The following URB2 variants were observed in gnomAD, a reference collection of about 807,000 sequenced individuals.
The protein encoded by URB2 is URB2 ribosome biogenesis homolog, also known as unhealthy ribosome biogenesis protein 2 homolog.
Under a neutral mutation model 120.9 loss-of-function variants are expected in URB2, and 86 were observed. The observed-to-expected ratio is 0.71, with a 90% CI of 0.60 to 0.85. The LOEUF (loss-of-function observed/expected upper bound fraction) is 0.85, where lower values mean the gene tolerates loss of function less well. Ranked by LOEUF, URB2 falls within the 40% of genes least tolerant of loss-of-function variation. The probability of loss-of-function intolerance (pLI) is 0.00; values close to 1 mark genes in which losing one functional copy is unlikely to be tolerated. For missense variants in URB2, 1,765 were observed against 1,836.5 expected, an observed-to-expected ratio of 0.96 and a Z score of 0.71; for synonymous variants, 755 against 758.4, an observed-to-expected ratio of 1.00 and a Z score of 0.07.
intron 7 of URB2, among the ~76,000 whole-genome samples, chr1:229,649,628 A>G (rs1666223586): frequency 1.3e-5 from 2 of 152,004 alleles, no homozygotes; most frequent in Non-Finnish European, 2.9e-5. Flanking sequence ...AATCTGATGG[A>G]TGATCACAGC....
In URB2 at chr1:229,659,178, G is replaced by C. The variant is rs761878270; in HGVS notation, c.4456G>C (p.Val1486Leu). 1 of 1,613,434 alleles carries C rather than the reference G, an allele frequency of 6.2e-7. No individual in the cohort carries two copies. Among genetic ancestry groups the C allele is most frequent in the Non-Finnish European group, 8.5e-7 (1 of 1,180,042 alleles). The change falls in exon 10 of 10, where the codon GTC (valine) becomes CTC (leucine). Residue 1486 changes from valine (V) to leucine (L), a missense_variant. Transcript: ENST00000258243. The stretch of plus-strand genomic sequence containing the variant: ...CCTGGACCTCTGCATCGAGCCTGAC[G>C]TCCAGTTCCTGCGGGCCTCGCTGCA... ...LILDLCIEPDVQFLRASLQPG... is the reference protein window; with the variant it reads ...LILDLCIEPDLQFLRASLQPG...
chr1:229,641,515 GC>G (rs1302634002), intron 4 of URB2, among the ~76,000 whole-genome samples: 1 of 152,170 alleles, frequency 6.6e-6, no homozygotes, highest in African/African-American at 2.4e-5. Flanking sequence ...CCAGGGAAGT[GC>G]CAGAGTTGTG....
intron 9 of URB2, among the ~76,000 whole-genome samples, chr1:229,654,781 T>G (rs1666368557): frequency 6.6e-6 from 1 of 152,146 alleles, no homozygotes. Context: ...TAGTTCAAGG[T>G]GTTTAGCAGC....
chr1:229,649,757 G>A (rs1666225389), intron 7 of URB2, among the ~76,000 whole-genome samples: 1 of 152,188 alleles, frequency 6.6e-6, no homozygotes, highest in South Asian at 2.1e-4. Flanking sequence ...AGAATGATCA[G>A]CAGCTAGTGC....
At chr1:229,646,023 A>G in intron 6 of URB2, 54 bp downstream of exon 6, 1 of 1,555,120 alleles carries the variant, frequency 6.4e-7, no homozygotes, top group South Asian at 1.1e-5. Flanking sequence ...TCTTCCTGTA[A>G]AGACAGAAGT....
At chr1:229,643,378 G>A (rs756213499) in intron 4 of URB2, among the ~76,000 whole-genome samples, 155 bp from the exon 5 acceptor site, 2 of 152,248 alleles carry the variant, frequency 1.3e-5, no homozygotes, top group Admixed American at 6.5e-5. Context: ...CAGTAACTAC[G>A]TGTACCTGCT....
chr1:229,643,165 C>G (rs186976846), intron 4 of URB2, among the ~76,000 whole-genome samples: 5 of 152,194 alleles, frequency 3.3e-5, no homozygotes, highest in African/African-American at 1.2e-4. Flanking sequence ...GTCTTGCAGT[C>G]TCAGGGGTGC....
In URB2 at chr1:229,654,330, A is replaced by C. The variant is rs146722378; in HGVS notation, c.4319A>C (p.Glu1440Ala). 9.9e-5 allele frequency: 159 copies of C among 1,614,050 alleles called. No individual in the cohort carries two copies. The highest frequency in any genetic ancestry group is 2.1e-5 in the Non-Finnish European group (25 of 1,180,036). The change falls in exon 9 of 10, where the codon GAG becomes GCG. Residue 1440 changes from glutamate to alanine, a missense_variant. Coordinates refer to ENST00000258243, the MANE Select transcript of URB2 (RefSeq NM_014777.4). ...RMYSHIAARA[E>A]EFAVFSPFMV... Reference sequence around the variant, plus strand: ...TACAGCCACATCGCCGCACGAGCTGAGGAGTTTGCTGTGTTTTCCCCATTT... The same window carrying C: ...TACAGCCACATCGCCGCACGAGCTGCGGAGTTTGCTGTGTTTTCCCCATTT...
Position 229,640,611 on chromosome 1 carries a change from G to A in URB2, c.3634+2364G>A, listed in dbSNP as rs772900888. Among the ~76,000 whole-genome samples the A allele has an allele frequency of 7.4e-4, 112 of 152,252 alleles. 1 individual carries two copies. Among genetic ancestry groups the A allele is most frequent in the Non-Finnish European group, 1.2e-3 (85 of 68,016 alleles). ...GAGAAGCTGTGACGGGTGGGGCCAC[G>A]GGCGTGCCTTTCGGTACGTGAGGGT... On this transcript the variant is annotated intron_variant, in intron 4 of 9. Transcript: ENST00000258243.
At position 229,637,234 on chromosome 1, in the gene URB2, T is replaced by TA. The variant is rs1665864191; in HGVS notation, c.2622dup (p.Leu875ThrfsTer7). ...CCTAGAGGAGAAATTGCCCAGAACTTACTGTCCCTGGTCAAGAGTGACTTC... is the reference window on the plus strand; with the variant it reads ...CCTAGAGGAGAAATTGCCCAGAACTTAACTGTCCCTGGTCAAGAGTGACTTC... On this transcript the variant is annotated frameshift_variant, in exon 4 of 10. Coordinates refer to ENST00000258243, the MANE Select transcript of URB2 (RefSeq NM_014777.4). LOFTEE classifies it high-confidence loss of function. The TA allele has an allele frequency of 5.0e-6, 8 of 1,613,888 alleles. No individual in the cohort carries two copies. The highest frequency in any genetic ancestry group is 6.8e-6 in the Non-Finnish European group (8 of 1,179,800).
intron 9 of URB2, among the ~76,000 whole-genome samples, chr1:229,656,409 T>C (rs1666407256): frequency 6.6e-6 from 1 of 152,262 alleles, no homozygotes; most frequent in Non-Finnish European, 1.5e-5. Context: ...TCATTAGTTA[T>C]ATTTTATTTT....
At chr1:229,645,762 A>G in intron 5 of URB2, 97 bp from the exon 6 acceptor site, 1 of 1,074,194 alleles carries the variant, frequency 9.3e-7, no homozygotes, top group Non-Finnish European at 1.4e-6. Flanking sequence ...AATCCACTCC[A>G]ACGCCACAGC....
chr1:229,628,144 A>G (rs1665564966), intron 2 of URB2, among the ~76,000 whole-genome samples: 1 of 118,974 alleles, frequency 8.4e-6, no homozygotes, highest in Non-Finnish European at 1.7e-5. Flanking sequence ...TAATATATAT[A>G]TAATATATAT....
chr1:229,653,494 T>G (rs1052879690), intron 8 of URB2, among the ~76,000 whole-genome samples: 1 of 152,200 alleles, frequency 6.6e-6, no homozygotes, highest in Non-Finnish European at 1.5e-5. Context: ...TTTGTCCTTA[T>G]GGATTTGTTT....
chr1:229,629,205 A>C (rs1311489901), intron 2 of URB2, among the ~76,000 whole-genome samples: 2 of 152,220 alleles, frequency 1.3e-5, no homozygotes, highest in African/African-American at 4.8e-5. Context: ...AAGCACTTGT[A>C]TGATTTCATA....
At chr1:229,653,936 G>GTTTT (rs760894683) in intron 8 of URB2, among the ~76,000 whole-genome samples, 65 of 60,476 alleles carry the variant, frequency 1.1e-3, no homozygotes, top group South Asian at 1.8e-3. Flanking sequence ...CCATCTTGGT[G>GTTTT]TTTTTTTTTT....
intron 4 of URB2, among the ~76,000 whole-genome samples, chr1:229,642,513 G>A (rs1173994352): frequency 2.0e-5 from 3 of 152,192 alleles, no homozygotes; most frequent in Non-Finnish European, 4.4e-5. Flanking sequence ...GGCAGATGGG[G>A]CTGAAGCGCT....
intron 4 of URB2, among the ~76,000 whole-genome samples, chr1:229,639,492 G>A (rs12136137): frequency 0.098 from 14,886 of 151,860 alleles, 1,251 homozygotes; most frequent in East Asian, 0.42. Flanking sequence ...CCGCCACCAC[G>A]CCCGGCTAAT....
Position 229,637,951 on chromosome 1 carries a change from C to T in URB2, c.3338C>T (p.Pro1113Leu), listed in dbSNP as rs1343579375. The T allele has an allele frequency of 6.2e-7, 1 of 1,613,462 alleles. No individual in the cohort carries two copies. The highest frequency in any genetic ancestry group is 8.5e-7 in the Non-Finnish European group (1 of 1,179,830). The change falls in exon 4 of 10, where the codon CCC becomes CTC. Residue 1113 changes from proline (P) to leucine (L), a missense_variant. Physicochemically the swap from Pro to Leu is moderately conservative, Grantham distance 98. Coordinates refer to ENST00000258243, the MANE Select transcript of URB2 (RefSeq NM_014777.4). ...CCGGGGGCCCGGGGCTGGCGCCTTC[C>T]CTCGGTCCTCATCTCATCCGTCAGC... ...SVPGARGWRL[P>L]SVLISSVSTL...
Sources: gnomAD v4.1 joint callset for allele counts (sites outside exome capture counted in the v4.1 genomes callset) on GRCh38, gnomAD v4.1.1 for gene constraint, MANE v1.5 for transcripts, NCBI Gene and HGNC (gene_info 2026-07-23, HGNC 2026-07-21) for gene names.